OSBPL10: variants seen among roughly 807,000 people sequenced by gnomAD.
OSBPL10 encodes the protein oxysterol-binding protein-related protein 10.
In OSBPL10, 49 loss-of-function variants were observed where a neutral mutation model predicts 81.7. The observed-to-expected ratio is 0.60, with a 90% confidence interval of 0.48 to 0.76. The LOEUF (loss-of-function observed/expected upper bound fraction) is 0.76. OSBPL10 is among the 30% of genes least tolerant of loss of function. The probability of loss-of-function intolerance (pLI) is 0.00; values close to 1 mark genes in which losing one functional copy is unlikely to be tolerated. For missense variants in OSBPL10, 923 were observed against 987.8 expected (o/e 0.93, Z 0.88); for synonymous variants, 419 against 383.6 (o/e 1.09, Z -1.08).
At chr3:31,853,876 C>T (rs1283634402) in intron 3 of OSBPL10, among the ~76,000 whole-genome samples, 1 of 152,148 alleles carries the variant, frequency 6.6e-6, no homozygotes, top group South Asian at 2.1e-4. Flanking sequence ...AAATGCAGCC[C>T]CTTATCAGAT....
At chr3:31,937,240 C>T (rs1294350475) in intron 1 of OSBPL10, among the ~76,000 whole-genome samples, 3 of 150,120 alleles carry the variant, frequency 2.0e-5, no homozygotes, top group South Asian at 2.1e-4. Flanking sequence ...TCCGAGATTG[C>T]GCCACTGCAC....
intron 1 of OSBPL10, among the ~76,000 whole-genome samples, chr3:31,892,174 T>C (rs1412731365): frequency 1.4e-5 from 2 of 140,872 alleles, no homozygotes; most frequent in Non-Finnish European, 3.1e-5. Flanking sequence ...GAGGAGAGAG[T>C]TCCAAGCAGA....
intron 1 of OSBPL10, among the ~76,000 whole-genome samples, chr3:31,968,534 A>T (rs1348191645): frequency 6.6e-6 from 1 of 151,230 alleles, no homozygotes; most frequent in East Asian, 1.9e-4. Context: ...AAAACACTTT[A>T]CCCAGACTTA....
intron 4 of OSBPL10, among the ~76,000 whole-genome samples, chr3:31,763,129 A>G (rs1698102960): frequency 6.6e-6 from 1 of 152,232 alleles, no homozygotes; most frequent in Non-Finnish European, 1.5e-5. Flanking sequence ...CAAAGACGTA[A>G]TAAGAAAGGG....
intron 4 of OSBPL10, among the ~76,000 whole-genome samples, chr3:31,751,718 C>T (rs907366169): frequency 6.6e-6 from 1 of 152,218 alleles, no homozygotes; most frequent in Non-Finnish European, 1.5e-5. Flanking sequence ...ACAAGCTTTA[C>T]AGTGATTGGC....
At chr3:31,912,619 T>G (rs1362806607) in intron 1 of OSBPL10, among the ~76,000 whole-genome samples, 1 of 152,152 alleles carries the variant, frequency 6.6e-6, no homozygotes, top group Non-Finnish European at 1.5e-5. Flanking sequence ...CTTGAAGCCT[T>G]GAAGTATTTT....
intron 1 of OSBPL10, among the ~76,000 whole-genome samples, chr3:31,912,620 G>T (rs1236898916): frequency 6.6e-6 from 1 of 152,140 alleles, no homozygotes; most frequent in Non-Finnish European, 1.5e-5. Flanking sequence ...TTGAAGCCTT[G>T]AAGTATTTTG....
At chr3:31,832,315 T>C (rs1465882675) in intron 3 of OSBPL10, among the ~76,000 whole-genome samples, 2 of 152,212 alleles carry the variant, frequency 1.3e-5, no homozygotes, top group Admixed American at 6.5e-5. Context: ...GGGGAGATTT[T>C]TTCACTGTCT....
At chr3:31,835,474 A>C (rs1449509442) in intron 3 of OSBPL10, among the ~76,000 whole-genome samples, 1 of 152,222 alleles carries the variant, frequency 6.6e-6, no homozygotes, top group Non-Finnish European at 1.5e-5. Context: ...TTAAGATTTC[A>C]AATAGACATT....
At chr3:32,007,810 G>A (rs1466899108) in intron 2 of OSBPL10, among the ~76,000 whole-genome samples, 2 of 151,830 alleles carry the variant, frequency 1.3e-5, no homozygotes, top group Admixed American at 1.3e-4. Flanking sequence ...GAGTTCAAGC[G>A]ATTCTCCTGC....
At chr3:31,735,189 C>T (rs930668582) in intron 5 of OSBPL10, among the ~76,000 whole-genome samples, 17 of 152,210 alleles carry the variant, frequency 1.1e-4, no homozygotes, top group Non-Finnish European at 2.4e-4. Context: ...AATTCCAGCA[C>T]TTTGGGATCC....
intron 4 of OSBPL10, among the ~76,000 whole-genome samples, chr3:31,828,313 G>A (rs899431870): frequency 6.6e-6 from 1 of 151,962 alleles, no homozygotes. Flanking sequence ...AAAGTGGTGG[G>A]GGAAATAAAA....
intron 2 of OSBPL10, among the ~76,000 whole-genome samples, chr3:32,028,845 C>A (rs956365734): frequency 6.6e-6 from 1 of 151,200 alleles, no homozygotes; most frequent in Non-Finnish European, 1.5e-5. Flanking sequence ...AATATTTGTC[C>A]CCTCCAAAAC....
intron 4 of OSBPL10, chr3:31,796,183 G>C (rs1308388126): frequency 2.5e-5 from 5 of 198,714 alleles, no homozygotes; most frequent in African/African-American, 1.2e-4. Flanking sequence ...TGAGTGCAAG[G>C]AATGTGGGAA....
At chr3:31,805,566 C>T (rs1207560928) in intron 4 of OSBPL10, among the ~76,000 whole-genome samples, 1 of 152,178 alleles carries the variant, frequency 6.6e-6, no homozygotes, top group East Asian at 1.9e-4. Flanking sequence ...CTCTTCTAAG[C>T]ACGCACTACT....
At chr3:31,983,859 A>G (rs934326245), upstream of OSBPL10, among the ~76,000 whole-genome samples, 1 of 152,250 alleles carries the variant, frequency 6.6e-6, no homozygotes, top group African/African-American at 2.4e-5. Context: ...TATTTGAAAT[A>G]CATACTGTAA....
chr3:31,998,638 T>C (rs904557697), intron 2 of OSBPL10, among the ~76,000 whole-genome samples: 8 of 152,248 alleles, frequency 5.3e-5, no homozygotes, highest in Admixed American at 4.6e-4. Flanking sequence ...TATGGTCCTC[T>C]AGTCATTTAA....
intron 4 of OSBPL10, among the ~76,000 whole-genome samples, chr3:31,768,950 C>T (rs1353602722): frequency 2.6e-5 from 4 of 152,118 alleles, no homozygotes; most frequent in Non-Finnish European, 5.9e-5. Context: ...CATTCCATTG[C>T]TGCCCCCTGC....
intron 1 of OSBPL10, among the ~76,000 whole-genome samples, chr3:32,054,976 T>G (rs1699697021): frequency 6.6e-6 from 1 of 152,170 alleles, no homozygotes; most frequent in South Asian, 2.1e-4. Context: ...TGCAGGTTTC[T>G]GATAACTTTG....
Sources: allele counts gnomAD v4.1 joint callset (sites outside exome capture counted in the v4.1 genomes callset), GRCh38; gene constraint gnomAD v4.1.1; transcripts MANE v1.5; gene names NCBI Gene and HGNC (gene_info 2026-07-23, HGNC 2026-07-21).